Variants in SLC22A2 observed in about 807,000 individuals in gnomAD.
The protein encoded by SLC22A2 is organic cation transporter 2.
SLC22A2 carries 46 observed loss-of-function variants against 60.5 expected under a neutral mutation model. The ratio of observed to expected loss-of-function variants is 0.76; its 90% CI spans 0.60 to 0.97. SLC22A2 has a LOEUF of 0.97. Among genes scored for constraint, SLC22A2 ranks in the 50% least tolerant of loss-of-function variants. SLC22A2 has a pLI of 0.00. For synonymous variants in SLC22A2, 303 were observed against 267.0 expected, an observed-to-expected ratio of 1.13 and a Z score of -1.31; for missense variants, 701 against 706.6, an observed-to-expected ratio of 0.99 and a Z score of 0.09.
At chr6:160,233,744 T>C (rs1019661918) in intron 9 of SLC22A2, among the ~76,000 whole-genome samples, 11 of 151,668 alleles carry the variant, frequency 7.3e-5, no homozygotes, top group African/African-American at 2.7e-4. Flanking sequence ...TACCGCAAAA[T>C]CTTCCTTCAG....
At chr6:160,225,063 C>A (rs892198330) in intron 9 of SLC22A2, among the ~76,000 whole-genome samples, 1 of 151,994 alleles carries the variant, frequency 6.6e-6, no homozygotes. Context: ...GAGGACATTG[C>A]CACCATATTA....
intron 4 of SLC22A2, among the ~76,000 whole-genome samples, chr6:160,248,836 T>C (rs559450942): frequency 6.6e-6 from 1 of 152,338 alleles, no homozygotes; most frequent in South Asian, 2.1e-4. Context: ...AGTGCCATGC[T>C]CTGCTTTCTC....
At chr6:160,230,511 C>A (rs1037965565) in intron 9 of SLC22A2, among the ~76,000 whole-genome samples, 1 of 151,972 alleles carries the variant, frequency 6.6e-6, no homozygotes, top group Non-Finnish European at 1.5e-5. Context: ...ACCCAGTCAG[C>A]TCCTGACATT....
chr6:160,232,887 T>C (rs1268921561), intron 9 of SLC22A2, among the ~76,000 whole-genome samples: 1 of 151,904 alleles, frequency 6.6e-6, no homozygotes, highest in African/African-American at 2.4e-5. Flanking sequence ...GTAAGGCAAA[T>C]GGTTCTTTGA....
Position 160,247,255 on chromosome 6 carries a change from T to C in SLC22A2, c.886A>G (p.Asn296Asp), listed in dbSNP as rs1385886177. 6.2e-7 allele frequency: 1 copy of C among 1,613,826 alleles called. No individual in the cohort carries two copies. Among genetic ancestry groups the C allele is most frequent in the East Asian group, 2.2e-5 (1 of 44,872 alleles). The change falls in exon 5 of 11, where the codon AAT becomes GAT. Residue 296 changes from asparagine (N) to aspartate (D), a missense_variant. Physicochemically the swap from Asn to Asp is conservative, Grantham distance 23. Transcript: ENST00000366953. ...TTAATGATTCTCATGGCTTCAGCAT[T>C]CTTATTCTGGGAGATCAGCCACCTG... ...SPRWLISQNK[N>D]AEAMRIIKHI...
At chr6:160,240,866 T>C (rs901675770) in intron 9 of SLC22A2, among the ~76,000 whole-genome samples, 11 of 152,146 alleles carry the variant, frequency 7.2e-5, no homozygotes, top group African/African-American at 2.4e-4. Context: ...TCAGTGCTGG[T>C]GTGTTCCTGC....
At chr6:160,223,432 T>C (rs1205445591) in intron 10 of SLC22A2, among the ~76,000 whole-genome samples, 2 of 152,250 alleles carry the variant, frequency 1.3e-5, no homozygotes, top group Non-Finnish European at 2.9e-5. Context: ...AATGATAGAA[T>C]ATATACATTT....
At chr6:160,230,525 A>C (rs1782804802) in intron 9 of SLC22A2, among the ~76,000 whole-genome samples, 2 of 151,980 alleles carry the variant, frequency 1.3e-5, no homozygotes, top group African/African-American at 4.9e-5. Flanking sequence ...TGACATTAGA[A>C]TAAAGCTCCA....
intron 9 of SLC22A2, among the ~76,000 whole-genome samples, chr6:160,238,307 C>T (rs1378681725): frequency 6.6e-6 from 1 of 152,144 alleles, no homozygotes; most frequent in Non-Finnish European, 1.5e-5. Flanking sequence ...GTGGAAGTGC[C>T]TATTAAATAA....
intron 9 of SLC22A2, among the ~76,000 whole-genome samples, chr6:160,235,250 T>C (rs1782892294): frequency 6.6e-6 from 1 of 152,006 alleles, no homozygotes; most frequent in Non-Finnish European, 1.5e-5. Flanking sequence ...CTATACATTA[T>C]GAGAGAGCTT....
Position 160,218,731 on chromosome 6 carries a change from A to G in SLC22A2, c.1602-1233T>C, listed in dbSNP as rs539038374. Among the ~76,000 whole-genome samples the G allele has an allele frequency of 3.9e-5, 6 of 152,408 alleles. 1 individual carries two copies. In the South Asian group the frequency reaches 1.2e-3, roughly 32 times the overall value. On this transcript the variant is annotated intron_variant, in intron 10 of 10. Transcript: ENST00000366953. ...CAGCAACAGCAGCAGCAACAATAAC[A>G]AAAGCAACAGAAACAGTAACAACAA...
In SLC22A2 at chr6:160,222,293, T is replaced by G. The variant is rs9457871; in HGVS notation, c.1601+2412A>C. Among the ~76,000 whole-genome samples, 240 of 152,246 alleles carry G rather than the reference T, an allele frequency of 1.6e-3. 1 individual carries two copies. Among genetic ancestry groups the G allele is most frequent in the African/African-American group, 5.5e-3 (228 of 41,546 alleles). On this transcript the variant is annotated intron_variant, in intron 10 of 10. Coordinates refer to ENST00000366953, the MANE Select transcript of SLC22A2 (RefSeq NM_003058.4). ...ATATTTTCTTCTTTAATCCAGTGAG[T>G]AGGTACTGTTGTCCCCATTTACAGA...
intron 9 of SLC22A2, among the ~76,000 whole-genome samples, 186 bp downstream of exon 9, chr6:160,241,288 C>T (rs1207994798): frequency 2.6e-5 from 4 of 151,894 alleles, no homozygotes. Context: ...ATTACTAATA[C>T]TAATAATATT....
Position 160,224,706 on chromosome 6 carries a change from T to C in SLC22A2, c.1600A>G (p.Arg534Gly). 2.5e-6 allele frequency: 4 copies of C among 1,600,752 alleles called. No homozygotes were observed. The highest frequency in any genetic ancestry group is 3.4e-6 in the Non-Finnish European group (4 of 1,171,350). ...ETIEEAENMQ[R>G]PRKNKEKMIY... is the part of the protein sequence containing the mutation. ...CATTTAGAACTTTCAACTGCCTACC[T>C]TTGCATATTTTCGGCTTCCTCGATG... Residue 534 changes from arginine to glycine, a missense_variant and splice_region_variant, in exon 10 of 11, where the codon AGA becomes GGA. Arg to Gly is a moderately radical substitution (Grantham distance 125). Transcript: ENST00000366953.
intron 3 of SLC22A2, 122 bp downstream of exon 3, chr6:160,250,426 A>T (rs544437893): frequency 1.0e-5 from 9 of 893,890 alleles, no homozygotes; most frequent in Admixed American, 3.7e-5. Context: ...ATACAGAAAT[A>T]AAAAAATCTC....
chr6:160,245,335 C>G, intron 6 of SLC22A2, 104 bp downstream of exon 6: 1 of 608,452 alleles, frequency 1.6e-6, no homozygotes, highest in East Asian at 3.0e-5. Context: ...TGCCCACCGT[C>G]AGCGCTAATA....
At chr6:160,237,777 T>C (rs903228695) in intron 9 of SLC22A2, among the ~76,000 whole-genome samples, 2 of 152,064 alleles carry the variant, frequency 1.3e-5, no homozygotes, top group Non-Finnish European at 2.9e-5. Flanking sequence ...AGTCACAGGA[T>C]GAGATAGGAA....
At chr6:160,227,560 G>C (rs541331535) in intron 9 of SLC22A2, among the ~76,000 whole-genome samples, 19 of 152,316 alleles carry the variant, frequency 1.2e-4, no homozygotes, top group African/African-American at 4.3e-4. Flanking sequence ...TTGAGACTGT[G>C]CCTCAGGCAA....
rs1783110953 is a variant in SLC22A2, at chr6:160,247,274, C to T, written c.867G>A (p.Trp289Ter). 1.9e-6 allele frequency: 3 copies of T among 1,611,792 alleles called. No individual in the cohort carries two copies. The highest frequency in any genetic ancestry group is 2.2e-5 in the East Asian group (1 of 44,872). ...CAGCATTCTTATTCTGGGAGATCAGCCACCTGGGAGACTCAGGTATGCACC... is the reference window on the plus strand; with the variant it reads ...CAGCATTCTTATTCTGGGAGATCAGTCACCTGGGAGACTCAGGTATGCACC... The part of the protein sequence containing the change: ...YYWCIPESPR[W>*]LISQNKNAEA... The change falls in exon 5 of 11, where the codon TGG becomes TGA. Residue 289 changes from tryptophan (W) to a stop codon, truncating the protein, a stop_gained. Coordinates refer to ENST00000366953, the MANE Select transcript of SLC22A2 (RefSeq NM_003058.4). LOFTEE classifies it high-confidence loss of function.
Sources: gnomAD v4.1 joint callset for allele counts (sites outside exome capture counted in the v4.1 genomes callset) on GRCh38, gnomAD v4.1.1 for gene constraint, MANE v1.5 for transcripts, NCBI Gene and HGNC (gene_info 2026-07-23, HGNC 2026-07-21) for gene names.